KMT2A: variants seen among roughly 807,000 people sequenced by gnomAD.
KMT2A encodes the protein lysine methyltransferase 2A.
In KMT2A, 16 loss-of-function variants were observed where a neutral mutation model predicts 345.3. The observed-to-expected ratio is 0.05, with a 90% CI of 0.03 to 0.07. The LOEUF (loss-of-function observed/expected upper bound fraction) is 0.07. Ranked by LOEUF, KMT2A falls within the 10% of genes least tolerant of loss-of-function variation. KMT2A has a pLI of 1.00. For missense variants in KMT2A, 3,272 were observed against 4,841.6 expected (o/e 0.68, Z 9.62); for synonymous variants, 1,599 against 1,778.6 (o/e 0.90, Z 2.54).
At chr11:118,463,913 G>T (rs1322524350) in intron 1 of KMT2A, among the ~76,000 whole-genome samples, 2 of 152,158 alleles carry the variant, frequency 1.3e-5, no homozygotes, top group Non-Finnish European at 2.9e-5. Flanking sequence ...TTTGAAAAGA[G>T]CCCCTATCAG....
chr11:118,522,217 A>C lies in KMT2A; in HGVS notation c.*45A>C, dbSNP rs1555053825. 6.3e-7 allele frequency: 1 copy of C among 1,599,386 alleles called. No individual in the cohort carries two copies. Among genetic ancestry groups the C allele is most frequent in the Non-Finnish European group, 8.5e-7 (1 of 1,170,040 alleles). ...TGTTGGAGTGCAAGGAGGCGGGGCC[A>C]TCCAAAGCAACGCTGAAGGCCTTTT... On this transcript the variant is annotated 3_prime_UTR_variant, in exon 36 of 36. Transcript: ENST00000534358. This position sits in a 1 kb window ranked among gnomAD's most constrained non-coding sequence, Gnocchi z 5.4.
chr11:118,490,086 A>G lies in KMT2A; in HGVS notation c.4576-43A>G. 6.3e-7 allele frequency: 1 copy of G among 1,578,772 alleles called. No homozygotes were observed. The highest frequency in any genetic ancestry group is 8.6e-7 in the Non-Finnish European group (1 of 1,164,948). On this transcript the variant is annotated intron_variant, in intron 12 of 35. Coordinates refer to ENST00000534358, the MANE Select transcript of KMT2A (RefSeq NM_001197104.2). The surrounding 1 kb of genome is among the most constrained non-coding windows in gnomAD (Gnocchi z 4.2). ...ATCTTTTTAGTTAAGTAAAGATATT[A>G]AAAACAAGAAATTCCTATTGAATTT...
At chr11:118,515,682 CTTTTTTTTT>C (rs11374365) in intron 31 of KMT2A, among the ~76,000 whole-genome samples, 1 of 97,478 alleles carries the variant, frequency 1.0e-5, no homozygotes, top group Non-Finnish European at 1.9e-5. Flanking sequence ...TTTTTCTGTC[CTTTTTTTTT>C]TTTTTTTTTT....
At chr11:118,507,252 A>G (rs1417985505) in intron 27 of KMT2A, among the ~76,000 whole-genome samples, 1 of 152,174 alleles carries the variant, frequency 6.6e-6, no homozygotes, top group East Asian at 1.9e-4. Context: ...ATCCATGGTC[A>G]TGTCACTGCA....
Position 118,497,231 on chromosome 11 carries a change from C to T in KMT2A, c.5665-705C>T, listed in dbSNP as rs988288896. Among the ~76,000 whole-genome samples the T allele has an allele frequency of 2.6e-5, 4 of 151,598 alleles. No individual in the cohort carries two copies. The highest frequency in any genetic ancestry group is 4.4e-5 in the Non-Finnish European group (3 of 67,934). On this transcript the variant is annotated intron_variant, in intron 20 of 35. Coordinates refer to ENST00000534358, the MANE Select transcript of KMT2A (RefSeq NM_001197104.2). The surrounding 1 kb of genome is among the most constrained non-coding windows in gnomAD (Gnocchi z 4.8). ...GTTGGTCAGGCTGGTCTCAAACTCC[C>T]GACCCCAGGTGATCCACCCACCTCA... is the stretch of plus-strand genomic sequence containing the variant.
At chr11:118,464,980 A>C (rs562338891) in intron 1 of KMT2A, among the ~76,000 whole-genome samples, 1 of 152,344 alleles carries the variant, frequency 6.6e-6, no homozygotes, top group Admixed American at 6.5e-5. Flanking sequence ...CTGCTCCATC[A>C]TGGCAATGTC....
rs1555053794 is a variant in KMT2A at position 118,522,180 on chromosome 11, C to T, written c.*8C>T. 6.2e-7 allele frequency: 1 copy of T among 1,612,964 alleles called. No homozygotes were observed. Among genetic ancestry groups the T allele is most frequent in the East Asian group, 2.2e-5 (1 of 44,876 alleles). On this transcript the variant is annotated 3_prime_UTR_variant, in exon 36 of 36. Transcript: ENST00000534358. The surrounding 1 kb of genome is among the most constrained non-coding windows in gnomAD (Gnocchi z 5.4). Reference sequence around the variant, plus strand: ...CGGAAGTTCCTAAACTAAAGCTGCTCTTCTCCCCCAGTGTTGGAGTGCAAG... The same window carrying T: ...CGGAAGTTCCTAAACTAAAGCTGCTTTTCTCCCCCAGTGTTGGAGTGCAAG...
chr11:118,449,701 C>T (rs1185704171), intron 1 of KMT2A: 1 of 152,002 alleles, frequency 6.6e-6, no homozygotes, highest in African/African-American at 2.4e-5. Flanking sequence ...GCTCCTTCAG[C>T]AAACTGACTT....
At position 118,491,058 on chromosome 11, in the gene KMT2A, T is replaced by A; in HGVS notation, c.4697-138T>A. On this transcript the variant is annotated intron_variant, in intron 13 of 35. Coordinates refer to ENST00000534358, the MANE Select transcript of KMT2A (RefSeq NM_001197104.2). This position sits in a 1 kb window ranked among gnomAD's most constrained non-coding sequence, Gnocchi z 4.2. ...TCTTGAGACTGCAGATGTGTGAACA[T>A]TCCACAGTAGATCCATGCTGGTGTT... 1 of 794,296 alleles carries A rather than the reference T, an allele frequency of 1.3e-6. No homozygotes were observed. The highest frequency in any genetic ancestry group is 1.8e-5 in the African/African-American group (1 of 56,456). 49.2% of individuals were successfully genotyped at this position (794,296 alleles called of 1,614,324 possible).
chr11:118,486,946 G>A lies in KMT2A; in HGVS notation c.4333-1668G>A, dbSNP rs190755170. ...ATCCAAGCTAGGTTGAAATCTGAAT[G>A]TTGAGCAGTCAGTGAGACACAAACT... On this transcript the variant is annotated intron_variant, in intron 10 of 35. Coordinates refer to ENST00000534358, the MANE Select transcript of KMT2A (RefSeq NM_001197104.2). 2.2e-3 allele frequency among the ~76,000 whole-genome samples: 336 copies of A among 152,262 alleles called. 2 individuals carry two copies. Among genetic ancestry groups the A allele is most frequent in the African/African-American group, 7.8e-3 (323 of 41,534 alleles).
rs1228444351 is a variant in KMT2A, at chr11:118,491,142, A to G, written c.4697-54A>G. 22 of 1,593,550 alleles carry G rather than the reference A, an allele frequency of 1.4e-5. No homozygotes were observed. The highest frequency in any genetic ancestry group is 1.9e-5 in the Non-Finnish European group (22 of 1,170,490). On this transcript the variant is annotated intron_variant, in intron 13 of 35. Transcript: ENST00000534358. The surrounding 1 kb of genome is among the most constrained non-coding windows in gnomAD (Gnocchi z 4.2). ...TTGGTAAATGCAAGTCGAGGGCCGT[A>G]AAAACACGGGTATGTGAGCCAAAGC...
At chr11:118,437,060 C>T (rs925564573) in intron 1 of KMT2A, 116 bp downstream of exon 1, 1 of 1,230,056 alleles carries the variant, frequency 8.1e-7, no homozygotes, top group Non-Finnish European at 1.1e-6. Context: ...GGGTCCCTGA[C>T]CCGGGGCGAA....
chr11:118,499,284 A>T lies in KMT2A; in HGVS notation c.5962-19A>T. 2.0e-6 allele frequency: 3 copies of T among 1,485,602 alleles called. No individual in the cohort carries two copies. The highest frequency in any genetic ancestry group is 1.9e-6 in the Non-Finnish European group (2 of 1,062,754). 92.0% of individuals were successfully genotyped at this position (1,485,602 alleles called of 1,614,324 possible). ...GCAAAGGGACAGCCTATTAACAGCT[A>T]CCATGGGTTTTATTTAAGGTGGTTC... On this transcript the variant is annotated intron_variant, in intron 22 of 35. Transcript: ENST00000534358.
intron 1 of KMT2A, among the ~76,000 whole-genome samples, chr11:118,437,998 A>T (rs1304364243): frequency 6.6e-6 from 1 of 152,020 alleles, no homozygotes; most frequent in Non-Finnish European, 1.5e-5. Flanking sequence ...CGCAGTCTCC[A>T]ACCCGAGCTC....
chr11:118,486,721 T>A (rs1300743707), intron 10 of KMT2A, among the ~76,000 whole-genome samples: 4 of 150,834 alleles, frequency 2.7e-5, no homozygotes, highest in Admixed American at 6.6e-5. Context: ...AAAAAAAAAA[T>A]AAAATACCAG....
rs1950142896 is a variant in KMT2A at position 118,482,063 on chromosome 11, A to C, written c.3983A>C (p.Lys1328Thr). The stretch of plus-strand genomic sequence containing the variant: ...CCCAAAACCACTCCTAGTGAGCCCA[A>C]GAAAAAGCAGCCTCCACCACCAGAA... ...EVPKTTPSEP[K>T]KKQPPPPESG... The change falls in exon 7 of 36, where the codon AAG becomes ACG. Residue 1328 changes from lysine (K) to threonine (T), a missense_variant. Physicochemically the swap from Lys to Thr is moderately conservative, Grantham distance 78 (BLOSUM62 -1). This residue lies in a region of KMT2A where 168 missense variants were observed against 216.0 expected (regional missense o/e 0.78). Transcript: ENST00000534358. The C allele has an allele frequency of 6.2e-7, 1 of 1,610,536 alleles. No homozygotes were observed. Among genetic ancestry groups the C allele is most frequent in the African/African-American group, 1.3e-5 (1 of 74,556 alleles).
chr11:118,520,909 A>G lies in KMT2A; in HGVS notation c.11513+24A>G. On this transcript the variant is annotated intron_variant, in intron 34 of 35. Transcript: ENST00000534358. The surrounding 1 kb of genome is among the most constrained non-coding windows in gnomAD (Gnocchi z 4.3). ...AGGTATGACTAAAATTCTAGAAAGA[A>G]TTACAGAAAACGAATGCAGTTTTTC... 6.4e-7 allele frequency: 1 copy of G among 1,561,312 alleles called. No individual in the cohort carries two copies. Among genetic ancestry groups the G allele is most frequent in the East Asian group, 2.2e-5 (1 of 44,670 alleles).
intron 5 of KMT2A, 73 bp downstream of exon 5, chr11:118,478,274 C>G: frequency 8.9e-7 from 1 of 1,120,042 alleles, no homozygotes; most frequent in Non-Finnish European, 1.3e-6. Flanking sequence ...TAGTTTGTTG[C>G]AGAGATACAT....
intron 1 of KMT2A, chr11:118,448,863 AG>A (rs1448034828): frequency 2.0e-5 from 3 of 152,188 alleles, no homozygotes; most frequent in Admixed American, 2.0e-4. Context: ...TTAATTATAA[AG>A]TTGGATGTCA....
Sources: allele counts gnomAD v4.1 joint callset (sites outside exome capture counted in the v4.1 genomes callset), GRCh38; gene constraint gnomAD v4.1.1; regional missense constraint gnomAD v4.1.1; non-coding constraint Gnocchi (gnomAD v3.1); transcripts MANE v1.5; gene names NCBI Gene and HGNC (gene_info 2026-07-23, HGNC 2026-07-21).